The following GRM1 variants were observed in gnomAD, a reference collection of about 807,000 sequenced individuals.
GRM1 encodes the protein glutamate metabotropic receptor 1, also known as metabotropic glutamate receptor 1.
A neutral mutation model predicts 90.9 loss-of-function variants in GRM1; 33 were observed. That is an observed-to-expected ratio of 0.36 (90% CI 0.28 to 0.49). The LOEUF is 0.49. GRM1 is among the 20% of genes least tolerant of loss of function. The probability of loss-of-function intolerance (pLI) is 0.99; values close to 1 mark genes in which losing one functional copy is unlikely to be tolerated. For synonymous variants in GRM1, 700 were observed against 613.2 expected, an observed-to-expected ratio of 1.14 and a Z score of -2.09; for missense variants, 1,190 against 1,534.3, an observed-to-expected ratio of 0.78 and a Z score of 3.75.
intron 3 of GRM1, among the ~76,000 whole-genome samples, chr6:146,344,066 C>A (rs755993727): frequency 1.3e-5 from 2 of 152,082 alleles, no homozygotes; most frequent in Middle Eastern, 3.2e-3. Flanking sequence ...ATATACCAAA[C>A]TAAATTTAAA....
intron 7 of GRM1, among the ~76,000 whole-genome samples, chr6:146,418,405 G>C (rs1453337700): frequency 6.6e-6 from 1 of 151,520 alleles, no homozygotes; most frequent in Non-Finnish European, 1.5e-5. Flanking sequence ...AATATTTACA[G>C]TGTGCAATTT....
chr6:146,142,336 A>T (rs113769113), intron 1 of GRM1, among the ~76,000 whole-genome samples: 14 of 152,148 alleles, frequency 9.2e-5, no homozygotes, highest in Non-Finnish European at 1.8e-4. Flanking sequence ...TACCACTGCA[A>T]CTATGCTGGG....
intron 1 of GRM1, among the ~76,000 whole-genome samples, chr6:146,092,513 G>A (rs1029877639): frequency 6.6e-6 from 1 of 152,080 alleles, no homozygotes; most frequent in Non-Finnish European, 1.5e-5. Context: ...TCATGGTACA[G>A]TCTGTCCTTC....
At chr6:146,179,311 G>A (rs141297248) in intron 2 of GRM1, among the ~76,000 whole-genome samples, 136 of 152,238 alleles carry the variant, frequency 8.9e-4, no homozygotes, top group African/African-American at 3.1e-3. Flanking sequence ...ACTTTATCTT[G>A]ATTTTGAGCT....
At chr6:146,137,590 G>T (rs1024829184) in intron 1 of GRM1, among the ~76,000 whole-genome samples, 3 of 152,126 alleles carry the variant, frequency 2.0e-5, no homozygotes, top group African/African-American at 7.2e-5. Flanking sequence ...TTGAAGTCAG[G>T]TAATGTGATT....
intron 2 of GRM1, among the ~76,000 whole-genome samples, chr6:146,202,390 A>C (rs980978727): frequency 6.6e-6 from 1 of 152,174 alleles, no homozygotes; most frequent in Admixed American, 6.5e-5. Flanking sequence ...TCTCATCAAT[A>C]AAAGCAGCTA....
At chr6:146,043,046 G>A (rs1466431331) in intron 1 of GRM1, among the ~76,000 whole-genome samples, 1 of 151,804 alleles carries the variant, frequency 6.6e-6, no homozygotes, top group Non-Finnish European at 1.5e-5. Context: ...GCATATAATA[G>A]CAGCACTTTG....
At chr6:146,248,489 C>T (rs1378978757) in intron 2 of GRM1, among the ~76,000 whole-genome samples, 4 of 152,096 alleles carry the variant, frequency 2.6e-5, no homozygotes, top group African/African-American at 9.7e-5. Context: ...GCACTCCTTG[C>T]CCCACTGCTG....
At chr6:146,338,164 A>G (rs904599269) in intron 3 of GRM1, among the ~76,000 whole-genome samples, 1 of 152,204 alleles carries the variant, frequency 6.6e-6, no homozygotes, top group Non-Finnish European at 1.5e-5. Context: ...CTAATCTCCA[A>G]CAGGTCAAAT....
At chr6:146,043,418 A>G (rs1320484714) in intron 1 of GRM1, among the ~76,000 whole-genome samples, 1 of 151,980 alleles carries the variant, frequency 6.6e-6, no homozygotes, top group Non-Finnish European at 1.5e-5. Context: ...CAGAACAGGG[A>G]TTAAAAATTT....
At chr6:146,065,727 C>T (rs1010716878) in intron 1 of GRM1, among the ~76,000 whole-genome samples, 3 of 152,120 alleles carry the variant, frequency 2.0e-5, no homozygotes, top group African/African-American at 7.2e-5. Flanking sequence ...GGGAATTGTC[C>T]AGATAGGAGA....
At chr6:146,193,052 G>A (rs1455833075) in intron 2 of GRM1, among the ~76,000 whole-genome samples, 2 of 152,126 alleles carry the variant, frequency 1.3e-5, no homozygotes, top group Non-Finnish European at 2.9e-5. Context: ...TGTACCAAGC[G>A]ACTGGAAAAA....
intron 7 of GRM1, among the ~76,000 whole-genome samples, chr6:146,410,658 C>G (rs1777528405): frequency 6.6e-6 from 1 of 151,876 alleles, no homozygotes; most frequent in South Asian, 2.1e-4. Flanking sequence ...GACAATAGTT[C>G]CCATTAGCTA....
At chr6:146,196,257 CA>C (rs985069079) in intron 2 of GRM1, among the ~76,000 whole-genome samples, 2 of 150,374 alleles carry the variant, frequency 1.3e-5, no homozygotes, top group African/African-American at 4.9e-5. Flanking sequence ...CAAAGATAGT[CA>C]AAGAGACTAT....
At chr6:146,366,555 C>A (rs1175965394) in intron 5 of GRM1, among the ~76,000 whole-genome samples, 1 of 152,066 alleles carries the variant, frequency 6.6e-6, no homozygotes, top group Non-Finnish European at 1.5e-5. Flanking sequence ...TCCATGAGAC[C>A]AACTTTTAAA....
chr6:146,073,467 C>T (rs1278826977), intron 1 of GRM1, among the ~76,000 whole-genome samples: 1 of 152,100 alleles, frequency 6.6e-6, no homozygotes, highest in Non-Finnish European at 1.5e-5. Context: ...ACTTGTTAAA[C>T]TTTACTTTTC....
intron 2 of GRM1, among the ~76,000 whole-genome samples, chr6:146,180,283 G>T (rs1778500616): frequency 6.6e-6 from 1 of 151,752 alleles, no homozygotes; most frequent in African/African-American, 2.4e-5. Context: ...TAAGAGATTT[G>T]CTAGATTTTG....
At chr6:146,405,046 T>A (rs911654361) in intron 7 of GRM1, among the ~76,000 whole-genome samples, 2 of 152,210 alleles carry the variant, frequency 1.3e-5, no homozygotes, top group African/African-American at 4.8e-5. Context: ...ACTCTTATGA[T>A]TTGAGCCCAA....
intron 1 of GRM1, among the ~76,000 whole-genome samples, chr6:146,076,181 G>T (rs113059420): frequency 6.6e-6 from 1 of 152,120 alleles, no homozygotes; most frequent in Non-Finnish European, 1.5e-5. Context: ...CTTGCATAGG[G>T]TTAGTGATGA....
Sources: allele counts gnomAD v4.1 joint callset (sites outside exome capture counted in the v4.1 genomes callset), GRCh38; gene constraint gnomAD v4.1.1; transcripts MANE v1.5; gene names NCBI Gene and HGNC (gene_info 2026-07-23, HGNC 2026-07-21).